The following PPARGC1A variants were observed in gnomAD, a reference collection of about 807,000 sequenced individuals.
PPARGC1A encodes peroxisome proliferator-activated receptor gamma coactivator 1-alpha.
In PPARGC1A, 25 loss-of-function variants were observed where a neutral mutation model predicts 88.7. That is an observed-to-expected ratio of 0.28 (90% confidence interval 0.21 to 0.39). PPARGC1A has a LOEUF of 0.39. PPARGC1A is among the 10% of genes least tolerant of loss of function. The probability of loss-of-function intolerance (pLI) is 1.00; values close to 1 mark genes in which losing one functional copy is unlikely to be tolerated. For missense variants in PPARGC1A, 880 were observed against 968.7 expected (o/e 0.91, Z 1.22); for synonymous variants, 363 against 355.6 (o/e 1.02, Z -0.24).
At chr4:23,811,328 TC>T (rs11287359) in intron 10 of PPARGC1A, among the ~76,000 whole-genome samples, 71,715 of 151,958 alleles carry the variant, frequency 0.47, 17,214 homozygotes, top group Middle Eastern at 0.61. Flanking sequence ...ACCTTTACAG[TC>T]AAAAATCATT....
chr4:24,132,330 C>T, the PPARGC1A span, among the ~76,000 whole-genome samples: 1 of 151,508 alleles, frequency 6.6e-6, no homozygotes, highest in East Asian at 1.9e-4. Context: ...AATCAATTAT[C>T]AACCCTCTTT....
chr4:24,345,055 G>T, the PPARGC1A span, among the ~76,000 whole-genome samples: 1 of 151,886 alleles, frequency 6.6e-6, no homozygotes, highest in Non-Finnish European at 1.5e-5. Flanking sequence ...GTCAAAGATT[G>T]GTTGGCTGCA....
At chr4:23,944,953 C>T in the PPARGC1A span, among the ~76,000 whole-genome samples, 2 of 152,140 alleles carry the variant, frequency 1.3e-5, no homozygotes, top group African/African-American at 4.8e-5. Flanking sequence ...AACTGTGTAC[C>T]TTGCTCTATC....
the PPARGC1A span, among the ~76,000 whole-genome samples, chr4:24,081,282 C>T: frequency 3.3e-5 from 5 of 152,180 alleles, no homozygotes. Context: ...CTTTGATTCA[C>T]TGAATAGTAA....
the PPARGC1A span, among the ~76,000 whole-genome samples, chr4:24,376,973 T>C: frequency 6.6e-6 from 1 of 152,158 alleles, no homozygotes; most frequent in East Asian, 1.9e-4. Flanking sequence ...CCTAACCTTT[T>C]AGCAATAAAA....
rs143811147 is a variant in PPARGC1A at position 23,801,828 on chromosome 4, A to C, written c.2195T>G (p.Leu732Arg). ...YRYTCDAFAA[L>R]ENGYTLRRSN... ...CCTGCGCAAAGTGTATCCATTTTCA[A>C]GAGCAGCAAAAGCATCACAGGTATA... is the stretch of plus-strand genomic sequence containing the variant. The change falls in exon 12 of 13, where the codon CTT becomes CGT. Residue 732 changes from leucine (L) to arginine (R), a missense_variant. Leu to Arg is a moderately radical substitution (Grantham distance 102). Coordinates refer to ENST00000264867, the MANE Select transcript of PPARGC1A (RefSeq NM_013261.5). The C allele has an allele frequency of 1.9e-5, 31 of 1,614,040 alleles. No homozygotes were observed. The Admixed American group carries it at 4.0e-4, about 21-fold the overall frequency.
chr4:23,804,608 T>G (rs979791665), intron 10 of PPARGC1A, among the ~76,000 whole-genome samples: 2 of 152,198 alleles, frequency 1.3e-5, no homozygotes, highest in Non-Finnish European at 1.5e-5. Flanking sequence ...ACCTAAATCA[T>G]TAACAAGACC....
chr4:23,884,667 C>CATT, intron 2 of PPARGC1A, 85 bp downstream of exon 2: 1 of 1,177,564 alleles, frequency 8.5e-7, no homozygotes, highest in South Asian at 2.0e-5. Context: ...AGTAAGAACT[C>CATT]ATTATGCATT....
chr4:23,994,855 G>A, the PPARGC1A span, among the ~76,000 whole-genome samples: 26,416 of 152,074 alleles, frequency 0.17, 2,783 homozygotes, highest in Admixed American at 0.31. Flanking sequence ...TATAGAAGAT[G>A]ACAATAGAAG....
chr4:23,866,363 C>T (rs1403537450), intron 2 of PPARGC1A: 1 of 152,032 alleles, frequency 6.6e-6, no homozygotes, highest in Non-Finnish European at 1.5e-5. Flanking sequence ...TGTTTATTTC[C>T]ATTAGACTAG....
the PPARGC1A span, among the ~76,000 whole-genome samples, chr4:24,291,121 C>T: frequency 4.6e-5 from 7 of 152,262 alleles, no homozygotes; most frequent in South Asian, 2.1e-4. Context: ...TCTCCAATCT[C>T]GCTAAAGCAT....
the PPARGC1A span, among the ~76,000 whole-genome samples, chr4:24,251,407 G>C: frequency 6.6e-6 from 1 of 152,162 alleles, no homozygotes; most frequent in Non-Finnish European, 1.5e-5. Context: ...ACTGAACTAT[G>C]CACAAAAGCA....
chr4:24,224,964 T>C, the PPARGC1A span, among the ~76,000 whole-genome samples: 1 of 152,066 alleles, frequency 6.6e-6, no homozygotes, highest in Non-Finnish European at 1.5e-5. Context: ...GGCCCTGAGG[T>C]AGAAGCATGT....
chr4:23,824,421 C>T (rs754172399), intron 6 of PPARGC1A, 42 bp downstream of exon 6: 2 of 1,604,280 alleles, frequency 1.2e-6, no homozygotes, highest in Non-Finnish European at 8.5e-7. Flanking sequence ...GTATTAGAAC[C>T]CCCTTCCCTT....
At chr4:24,055,814 TC>T in the PPARGC1A span, among the ~76,000 whole-genome samples, 1,834 of 152,282 alleles carry the variant, frequency 0.012, 35 homozygotes, top group East Asian at 0.084. Context: ...TGCTGTACCC[TC>T]CTACTTCCCT....
the PPARGC1A span, chr4:24,091,339 A>T: frequency 1.5e-6 from 1 of 676,434 alleles, no homozygotes; most frequent in Non-Finnish European, 1.8e-6. Flanking sequence ...ACTACCCATG[A>T]CTTTTTTCAA....
chr4:23,995,788 T>A, the PPARGC1A span, among the ~76,000 whole-genome samples: 1 of 152,096 alleles, frequency 6.6e-6, no homozygotes, highest in Non-Finnish European at 1.5e-5. Context: ...TCCTTCCTCA[T>A]CCTGATTGTC....
At chr4:24,472,466 T>C in the PPARGC1A span, among the ~76,000 whole-genome samples, 30 of 152,046 alleles carry the variant, frequency 2.0e-4, no homozygotes, top group East Asian at 5.4e-3. The surrounding 1 kb of genome is among the most constrained non-coding windows in gnomAD (Gnocchi z 4.5). Flanking sequence ...CGCCATGCTC[T>C]GGATGCAAAT....
At chr4:24,020,743 C>T in the PPARGC1A span, among the ~76,000 whole-genome samples, 9,384 of 152,056 alleles carry the variant, frequency 0.062, 761 homozygotes, top group African/African-American at 0.18. Context: ...ATCCTCATTC[C>T]GGAGCTCAAT....
Sources: allele counts gnomAD v4.1 joint callset (sites outside exome capture counted in the v4.1 genomes callset), GRCh38; gene constraint gnomAD v4.1.1; non-coding constraint Gnocchi (gnomAD v3.1); transcripts MANE v1.5; gene names NCBI Gene and HGNC (gene_info 2026-07-23, HGNC 2026-07-21).